BLTP3A: variants seen among roughly 807,000 people sequenced by gnomAD.
BLTP3A encodes ICBP90 binding protein 1.
the BLTP3A span, among the ~76,000 whole-genome samples, chr6:34,859,789 C>T: frequency 6.6e-6 from 1 of 152,004 alleles, no homozygotes; most frequent in African/African-American, 2.4e-5. Flanking sequence ...CTATTTTTTC[C>T]CCTCAAGACA....
chr6:34,798,178 T>C, the BLTP3A span, among the ~76,000 whole-genome samples: 44 of 152,362 alleles, frequency 2.9e-4, no homozygotes, highest in East Asian at 7.7e-3. Flanking sequence ...GTCTGGCTTC[T>C]TTAGTGCAAG....
chr6:34,870,946 C>G, the BLTP3A span: 1 of 1,614,206 alleles, frequency 6.2e-7, no homozygotes, highest in Non-Finnish European at 8.5e-7. Context: ...AGCAGCTGTT[C>G]ATTCCCCCCT....
At chr6:34,832,701 C>T in the BLTP3A span, among the ~76,000 whole-genome samples, 8 of 151,844 alleles carry the variant, frequency 5.3e-5, no homozygotes, top group African/African-American at 1.9e-4. Flanking sequence ...TCCTCCACCT[C>T]GGCCTCCTAA....
the BLTP3A span, among the ~76,000 whole-genome samples, chr6:34,852,342 A>G: frequency 1.3e-5 from 2 of 151,602 alleles, no homozygotes; most frequent in African/African-American, 4.8e-5. Flanking sequence ...TCAGCAGGCG[A>G]TGAATCCTTC....
chr6:34,817,851 A>T, the BLTP3A span, among the ~76,000 whole-genome samples: 2 of 138,810 alleles, frequency 1.4e-5, no homozygotes, highest in Non-Finnish European at 3.1e-5. Context: ...ACGTGTAGGA[A>T]TTTTTTTTTT....
chr6:34,799,063 T>C, the BLTP3A span, among the ~76,000 whole-genome samples: 1 of 152,040 alleles, frequency 6.6e-6, no homozygotes, highest in South Asian at 2.1e-4. Context: ...TGCCTCAGCC[T>C]CCTGAGTAGC....
At chr6:34,831,146 A>G in the BLTP3A span, among the ~76,000 whole-genome samples, 6 of 138,216 alleles carry the variant, frequency 4.3e-5, no homozygotes, top group African/African-American at 5.6e-5. Flanking sequence ...TTTTTTTTTG[A>G]GACAGAGTTC....
the BLTP3A span, among the ~76,000 whole-genome samples, chr6:34,839,961 G>A: frequency 2.6e-5 from 4 of 152,254 alleles, no homozygotes; most frequent in East Asian, 7.7e-4. Context: ...TCCAAGCTGA[G>A]CCCCAAGAGC....
chr6:34,858,854 AC>A, the BLTP3A span: 29 of 1,614,138 alleles, frequency 1.8e-5, no homozygotes, highest in Non-Finnish European at 2.5e-5. Flanking sequence ...CTTGACCACT[AC>A]CAGTACTTGG....
At chr6:34,847,912 CTTTTTTTCCTTTTTTTTTT>C in the BLTP3A span, among the ~76,000 whole-genome samples, 2 of 102,238 alleles carry the variant, frequency 2.0e-5, no homozygotes, top group Admixed American at 9.7e-5. Context: ...TTCTACTTTT[CTTTTTTTCCTTTTTTTTTT>C]TTTTTTTTTG....
chr6:34,856,018 C>T, the BLTP3A span: 3 of 827,218 alleles, frequency 3.6e-6, no homozygotes, highest in Non-Finnish European at 4.4e-6. Context: ...TCAAATATGG[C>T]AGCAGTCAAC....
the BLTP3A span, among the ~76,000 whole-genome samples, chr6:34,833,529 AGTTT>A: frequency 6.6e-6 from 1 of 152,034 alleles, no homozygotes; most frequent in Non-Finnish European, 1.5e-5. Context: ...ATATTTAGAT[AGTTT>A]GTGGTTTATA....
chr6:34,834,266 A>G, the BLTP3A span: 4 of 1,614,062 alleles, frequency 2.5e-6, no homozygotes, highest in Non-Finnish European at 3.4e-6. Context: ...CATCATTGTC[A>G]ATTCTATCAC....
the BLTP3A span, among the ~76,000 whole-genome samples, chr6:34,846,077 TCCCTCCCCTCCCCTCCCCTC>T: frequency 7.1e-5 from 5 of 70,570 alleles, no homozygotes; most frequent in South Asian, 4.7e-4. Context: ...CCATTTCTTT[TCCCTCCCCTCCCCTCCCCTC>T]CCCTCCCCTC....
At chr6:34,856,088 C>T in the BLTP3A span, 11 of 1,200,428 alleles carry the variant, frequency 9.2e-6, no homozygotes, top group Non-Finnish European at 1.3e-5. Flanking sequence ...GAATGTGCAA[C>T]CTATCATTGG....
At chr6:34,845,716 C>T in the BLTP3A span, among the ~76,000 whole-genome samples, 1 of 152,176 alleles carries the variant, frequency 6.6e-6, no homozygotes, top group African/African-American at 2.4e-5. Flanking sequence ...CCTGCCTCAG[C>T]CTCCTGAGTA....
At chr6:34,857,417 C>T in the BLTP3A span, 1 of 1,614,198 alleles carries the variant, frequency 6.2e-7, no homozygotes, top group East Asian at 2.2e-5. Context: ...CAGGTCTCTG[C>T]CATTCATATT....
chr6:34,795,867 A>G, the BLTP3A span, among the ~76,000 whole-genome samples: 1 of 152,168 alleles, frequency 6.6e-6, no homozygotes, highest in South Asian at 2.1e-4. Flanking sequence ...AAGAGGTCAC[A>G]TTATAGTTGC....
At chr6:34,862,562 C>T in the BLTP3A span, among the ~76,000 whole-genome samples, 368 of 152,094 alleles carry the variant, frequency 2.4e-3, no homozygotes, top group African/African-American at 7.9e-3. Context: ...TGGCTGGGCG[C>T]GGTGGCTCAC....
Sources: allele counts gnomAD v4.1 joint callset (sites outside exome capture counted in the v4.1 genomes callset), GRCh38; gene constraint gnomAD v4.1.1; transcripts MANE v1.5; gene names NCBI Gene and HGNC (gene_info 2026-07-23, HGNC 2026-07-21).